Variants in RARB observed in about 807,000 individuals in gnomAD.
RARB encodes the protein retinoic acid receptor beta.
Under a neutral mutation model 51.9 loss-of-function variants are expected in RARB, and 17 were observed. That is an observed-to-expected ratio of 0.33 (90% confidence interval 0.22 to 0.49). The LOEUF is 0.49. Among genes scored for constraint, RARB ranks in the 20% least tolerant of loss-of-function variants. The pLI is 0.99. For synonymous variants in RARB, 215 were observed against 195.4 expected, an observed-to-expected ratio of 1.10 and a Z score of -0.84; for missense variants, 369 against 550.8, an observed-to-expected ratio of 0.67 and a Z score of 3.30.
intron 2 of RARB, among the ~76,000 whole-genome samples, chr3:25,003,470 C>G (rs1196565562): frequency 6.6e-6 from 1 of 152,062 alleles, no homozygotes; most frequent in South Asian, 2.1e-4. Context: ...TCAGATATAT[C>G]TTAGTACTGA....
chr3:25,534,667 CT>C (rs984338427), intron 3 of RARB, among the ~76,000 whole-genome samples: 1 of 151,234 alleles, frequency 6.6e-6, no homozygotes, highest in Non-Finnish European at 1.5e-5. Context: ...ATTTCTTTTT[CT>C]TTTTTTTTCA....
intron 5 of RARB, among the ~76,000 whole-genome samples, chr3:25,294,093 A>G (rs1024146034): frequency 1.3e-5 from 2 of 152,212 alleles, no homozygotes; most frequent in Admixed American, 1.3e-4. Flanking sequence ...GTTTCCCAGG[A>G]AAGAGCTCCA....
At chr3:25,456,660 A>AAT (rs59052323) in intron 1 of RARB, among the ~76,000 whole-genome samples, 2,393 of 95,794 alleles carry the variant, frequency 0.025, 40 homozygotes, top group African/African-American at 0.056. Flanking sequence ...GTGATATTTG[A>AAT]ATATATATAT....
rs1158356351 is a variant in RARB, at chr3:25,282,150, T to A, written c.178+107575T>A. Among the ~76,000 whole-genome samples, 9 of 152,324 alleles carry A rather than the reference T, an allele frequency of 5.9e-5. No homozygotes were observed. The East Asian group carries it at 1.7e-3, about 29-fold the overall frequency. On this transcript the variant is annotated intron_variant, in intron 5 of 11. Coordinates refer to the RARB transcript ENST00000383772. ...GCAGGAAGAGATTTAATCTTAGGAA[T>A]TAGGTGCCAGATATGGCCCTGTATT...
intron 5 of RARB, among the ~76,000 whole-genome samples, chr3:25,224,976 A>G (rs1702024110): frequency 6.6e-6 from 1 of 152,178 alleles, no homozygotes; most frequent in African/African-American, 2.4e-5. Flanking sequence ...AGACAGCTTT[A>G]GATGTAGTCC....
chr3:24,908,378 T>A (rs1277445805), intron 2 of RARB, among the ~76,000 whole-genome samples: 2 of 152,292 alleles, frequency 1.3e-5, no homozygotes, highest in African/African-American at 4.8e-5. Context: ...GAAGAAGAGA[T>A]TACAGTCACC....
At chr3:25,299,110 TTTA>T (rs1385595843) in intron 5 of RARB, among the ~76,000 whole-genome samples, 1 of 152,200 alleles carries the variant, frequency 6.6e-6, no homozygotes, top group Non-Finnish European at 1.5e-5. Flanking sequence ...GTAAAAACTG[TTTA>T]TTATTAGTTT....
chr3:24,866,230 G>A (rs532369372), intron 2 of RARB, among the ~76,000 whole-genome samples: 3 of 152,096 alleles, frequency 2.0e-5, no homozygotes, highest in Admixed American at 6.6e-5. Flanking sequence ...CTAACGGCTT[G>A]TAATTCCAGG....
chr3:25,344,515 A>T (rs183238874), intron 5 of RARB, among the ~76,000 whole-genome samples: 1 of 152,322 alleles, frequency 6.6e-6, no homozygotes, highest in Admixed American at 6.5e-5. Context: ...ATGGGCCTAC[A>T]ATTCATGTTT....
At chr3:25,281,391 A>C (rs1194650692) in intron 5 of RARB, among the ~76,000 whole-genome samples, 1 of 152,232 alleles carries the variant, frequency 6.6e-6, no homozygotes, top group East Asian at 1.9e-4. Flanking sequence ...GAAGGCCACT[A>C]GCTATGACTT....
chr3:24,918,802 A>G (rs1369287594), intron 2 of RARB, among the ~76,000 whole-genome samples: 1 of 152,168 alleles, frequency 6.6e-6, no homozygotes, highest in Non-Finnish European at 1.5e-5. Flanking sequence ...GAGGCAGGAG[A>G]ATTGCTTGAA....
intron 3 of RARB, among the ~76,000 whole-genome samples, chr3:25,087,455 C>T (rs901621098): frequency 1.1e-4 from 16 of 152,186 alleles, no homozygotes; most frequent in Admixed American, 9.2e-4. Context: ...AACCAGAATC[C>T]ATCATGTCTT....
chr3:25,333,791 T>G (rs1322505243), intron 5 of RARB, among the ~76,000 whole-genome samples: 2 of 152,214 alleles, frequency 1.3e-5, no homozygotes, highest in Non-Finnish European at 2.9e-5. Context: ...GACAAAGGGC[T>G]AATGTCCAGA....
chr3:25,108,099 G>C lies in RARB; in HGVS notation c.-327-24062G>C, dbSNP rs143375427. ...ATGGGTGGGTAGCATCTACAGCATGGATACACTGGACAAAGGAATGATTCA... is the reference window on the plus strand; with the variant it reads ...ATGGGTGGGTAGCATCTACAGCATGCATACACTGGACAAAGGAATGATTCA... On this transcript the variant is annotated intron_variant, in intron 3 of 11. Transcript: ENST00000383772. Among the ~76,000 whole-genome samples, 38 of 152,214 alleles carry C rather than the reference G, an allele frequency of 2.5e-4. 1 individual carries two copies. In the East Asian group the frequency reaches 5.2e-3, roughly 21 times the overall value.
At chr3:25,580,811 C>A in intron 5 of RARB, 89 bp downstream of exon 5, 1 of 1,373,960 alleles carries the variant, frequency 7.3e-7, no homozygotes, top group South Asian at 1.6e-5. Context: ...CATTGAAGAT[C>A]TCCAGAGGAG....
At chr3:24,856,145 C>T (rs1702631802) in intron 1 of RARB, among the ~76,000 whole-genome samples, 1 of 152,020 alleles carries the variant, frequency 6.6e-6, no homozygotes, top group Admixed American at 6.5e-5. Context: ...GTACCATGAT[C>T]CCTTTAAAAT....
chr3:24,915,608 T>G (rs1179162727), intron 2 of RARB, among the ~76,000 whole-genome samples: 1 of 152,172 alleles, frequency 6.6e-6, no homozygotes, highest in Non-Finnish European at 1.5e-5. Flanking sequence ...TCATGAAGGT[T>G]TTTAAGCCTC....
intron 3 of RARB, among the ~76,000 whole-genome samples, chr3:25,108,252 C>T (rs893571924): frequency 1.3e-5 from 2 of 151,998 alleles, no homozygotes; most frequent in African/African-American, 2.4e-5. Context: ...TGACTGAAAC[C>T]ATGGGAAAAA....
chr3:24,832,652 A>ATAT (rs1491520085), intron 1 of RARB, among the ~76,000 whole-genome samples: 2 of 61,068 alleles, frequency 3.3e-5, no homozygotes, highest in African/African-American at 1.9e-4. Flanking sequence ...TATATATATA[A>ATAT]TGTCAATTAA....
Sources: allele counts gnomAD v4.1 joint callset (sites outside exome capture counted in the v4.1 genomes callset), GRCh38; gene constraint gnomAD v4.1.1; transcripts MANE v1.5; gene names NCBI Gene and HGNC (gene_info 2026-07-23, HGNC 2026-07-21).